The following NREP variants were observed in gnomAD, a reference collection of about 807,000 sequenced individuals.
NREP encodes neuronal regeneration-related protein.
A neutral mutation model predicts 8.6 loss-of-function variants in NREP; 5 were observed. That is an observed-to-expected ratio of 0.58 (90% CI 0.30 to 1.22). The LOEUF (loss-of-function observed/expected upper bound fraction) is 1.22, where lower values mean the gene tolerates loss of function less well. NREP is among the 50% of genes most tolerant of loss of function. The pLI, the probability that NREP is intolerant of heterozygous loss-of-function variation, is 0.07. For synonymous variants in NREP, 27 were observed against 28.0 expected, an observed-to-expected ratio of 0.96 and a Z score of 0.11; for missense variants, 86 against 82.5, an observed-to-expected ratio of 1.04 and a Z score of -0.17.
intron 2 of NREP, among the ~76,000 whole-genome samples, chr5:111,878,112 G>A (rs1011811736): frequency 1.3e-5 from 2 of 152,224 alleles, no homozygotes; most frequent in Non-Finnish European, 2.9e-5. Flanking sequence ...CCCTGGTGAA[G>A]GCCTTTACCA....
chr5:111,895,404 G>A (rs891535725), intron 2 of NREP, among the ~76,000 whole-genome samples: 3 of 152,092 alleles, frequency 2.0e-5, no homozygotes, highest in African/African-American at 7.2e-5. Flanking sequence ...TGACAGTGAA[G>A]AACCAGCAAA....
chr5:111,886,414 T>G (rs202141293), intron 2 of NREP, among the ~76,000 whole-genome samples: 5 of 152,134 alleles, frequency 3.3e-5, no homozygotes, highest in Non-Finnish European at 7.4e-5. Context: ...GTCAGTGTGG[T>G]GATTCCTCAG....
chr5:111,974,944 C>A (rs1409111644), intron 2 of NREP, among the ~76,000 whole-genome samples: 1 of 152,110 alleles, frequency 6.6e-6, no homozygotes, highest in African/African-American at 2.4e-5. Context: ...GAACAAAGAC[C>A]ACGTGAGTTC....
chr5:111,880,884 C>G (rs960189684), intron 2 of NREP, among the ~76,000 whole-genome samples: 28 of 151,980 alleles, frequency 1.8e-4, no homozygotes, highest in Admixed American at 4.6e-4. Flanking sequence ...TTCTACAGCT[C>G]CCAGCGTGAG....
chr5:111,803,185 T>A (rs182901607), intron 2 of NREP, among the ~76,000 whole-genome samples: 123 of 152,300 alleles, frequency 8.1e-4, no homozygotes, highest in Non-Finnish European at 1.4e-3. Flanking sequence ...TCAGGTAAAG[T>A]CTGCTAATAG....
chr5:111,952,388 C>A (rs1440612454), intron 2 of NREP, among the ~76,000 whole-genome samples: 3 of 152,148 alleles, frequency 2.0e-5, no homozygotes, highest in Non-Finnish European at 2.9e-5. Flanking sequence ...TGGTTTTCAT[C>A]ATGCTCTTTG....
intron 2 of NREP, among the ~76,000 whole-genome samples, chr5:111,785,081 T>C (rs551320640): frequency 6.6e-6 from 1 of 152,228 alleles, no homozygotes; most frequent in African/African-American, 2.4e-5. Context: ...CCAGAATCTA[T>C]ATCCTGTTTT....
At chr5:111,758,132 G>A (rs1219136118), upstream of NREP, 33 of 985,474 alleles carry the variant, frequency 3.3e-5, no homozygotes, top group South Asian at 4.7e-5. Flanking sequence ...CCTCAGCTGG[G>A]TACGCGCGCC....
At chr5:111,953,987 G>C (rs1301968614) in intron 2 of NREP, among the ~76,000 whole-genome samples, 3 of 152,146 alleles carry the variant, frequency 2.0e-5, no homozygotes, top group Non-Finnish European at 4.4e-5. Flanking sequence ...GGGCCAGAGA[G>C]TAAGGTATAT....
chr5:111,798,493 C>G (rs192564021), intron 2 of NREP, among the ~76,000 whole-genome samples: 29 of 152,150 alleles, frequency 1.9e-4, no homozygotes, highest in African/African-American at 7.0e-4. Flanking sequence ...GTATCCAGTG[C>G]GTAGTCTTTT....
At position 111,917,312 on chromosome 5, in the gene NREP, C is replaced by T. The variant is rs886115734; in HGVS notation, c.135+57962G>A. ...ATAGCTGGTACCATTCTTTCTGAAA[C>T]TATTCCAAACAATAGAAAAAGAGGG... On this transcript the variant is annotated intron_variant, in intron 2 of 3. Coordinates refer to the NREP transcript ENST00000395634. Among the ~76,000 whole-genome samples the T allele has an allele frequency of 2.0e-5, 3 of 152,150 alleles. 1 individual carries two copies. The highest frequency in any genetic ancestry group is 4.4e-5 in the Non-Finnish European group (3 of 68,022).
intron 2 of NREP, among the ~76,000 whole-genome samples, chr5:111,786,328 T>TA (rs1402871734): frequency 6.6e-6 from 1 of 152,184 alleles, no homozygotes; most frequent in African/African-American, 2.4e-5. Flanking sequence ...GTGAGTCAAT[T>TA]AAACTTCTTT....
At chr5:111,920,320 T>C (rs754475143) in intron 2 of NREP, among the ~76,000 whole-genome samples, 2 of 152,162 alleles carry the variant, frequency 1.3e-5, no homozygotes, top group Non-Finnish European at 2.9e-5. Context: ...ACTTTAAAGT[T>C]TTAGGATACA....
intron 2 of NREP, among the ~76,000 whole-genome samples, chr5:111,765,513 A>G (rs989803368): frequency 6.6e-6 from 1 of 152,238 alleles, no homozygotes; most frequent in African/African-American, 2.4e-5. Context: ...ATTCTGTGAC[A>G]TAGGTATCAT....
intron 2 of NREP, among the ~76,000 whole-genome samples, chr5:111,902,984 T>C (rs1291697811): frequency 6.6e-6 from 1 of 152,098 alleles, no homozygotes; most frequent in Non-Finnish European, 1.5e-5. Context: ...TGGGTGGTAT[T>C]ATTGCTTACA....
intron 2 of NREP, among the ~76,000 whole-genome samples, chr5:111,839,693 G>T (rs1400615896): frequency 6.6e-6 from 1 of 151,836 alleles, no homozygotes; most frequent in Non-Finnish European, 1.5e-5. Context: ...ATTACTTAAG[G>T]CCCTTTGTCA....
intron 2 of NREP, among the ~76,000 whole-genome samples, chr5:111,903,365 G>A (rs563737122): frequency 2.0e-5 from 3 of 152,014 alleles, no homozygotes; most frequent in Non-Finnish European, 4.4e-5. Flanking sequence ...GATTACAGGT[G>A]TGAGCCACGG....
chr5:111,863,338 C>A (rs1224521274), intron 2 of NREP, among the ~76,000 whole-genome samples: 2 of 151,996 alleles, frequency 1.3e-5, no homozygotes, highest in Non-Finnish European at 2.9e-5. Context: ...GATTTGAGTT[C>A]TATTTTATAT....
intron 2 of NREP, among the ~76,000 whole-genome samples, chr5:111,915,411 A>G (rs1755029267): frequency 6.6e-6 from 1 of 152,006 alleles, no homozygotes; most frequent in African/African-American, 2.4e-5. Flanking sequence ...GACCTAAGAT[A>G]CCAGCTCACA....
Sources: gnomAD v4.1 joint callset for allele counts (sites outside exome capture counted in the v4.1 genomes callset) on GRCh38, gnomAD v4.1.1 for gene constraint, MANE v1.5 for transcripts, NCBI Gene and HGNC (gene_info 2026-07-23, HGNC 2026-07-21) for gene names.